The following SFI1 variants were observed in gnomAD, a reference collection of about 807,000 sequenced individuals.
SFI1 encodes protein SFI1 homolog.
Under a neutral mutation model 207.5 loss-of-function variants are expected in SFI1, and 195 were observed. The observed-to-expected ratio is 0.94, with a 90% CI of 0.84 to 1.06. The LOEUF is 1.06. Among genes scored for constraint, SFI1 ranks in the 50% least tolerant of loss-of-function variants. The pLI, the probability that SFI1 is intolerant of heterozygous loss-of-function variation, is 0.00. For missense variants in SFI1, 1,634 were observed against 1,588.0 expected (o/e 1.03, Z -0.49); for synonymous variants, 630 against 598.9 (o/e 1.05, Z -0.76).
At chr22:31,549,289 A>T (rs1447476450) in intron 5 of SFI1, among the ~76,000 whole-genome samples, 3 of 68,214 alleles carry the variant, frequency 4.4e-5, no homozygotes, top group East Asian at 9.4e-4. Flanking sequence ...GACCCTGTGT[A>T]AAAAAAAAAA....
At chr22:31,551,393 C>G (rs1387337455) in intron 6 of SFI1, among the ~76,000 whole-genome samples, 2 of 152,152 alleles carry the variant, frequency 1.3e-5, no homozygotes, top group African/African-American at 2.4e-5. Flanking sequence ...TTGATCTCCC[C>G]CAGCCCAGTG....
At chr22:31,593,394 G>T (rs1428259209) in intron 15 of SFI1, among the ~76,000 whole-genome samples, 1 of 139,616 alleles carries the variant, frequency 7.2e-6, no homozygotes, top group Non-Finnish European at 1.6e-5. Context: ...CATCTCAGAC[G>T]ATGGGCGGCC....
At chr22:31,554,559 C>T (rs1488447226) in intron 6 of SFI1, among the ~76,000 whole-genome samples, 2 of 149,970 alleles carry the variant, frequency 1.3e-5, no homozygotes, top group East Asian at 2.0e-4. Context: ...CCGCCCACCT[C>T]GGCCTCCCAA....
chr22:31,573,070 T>A lies in SFI1; in HGVS notation c.778T>A (p.Trp260Arg). ...LSLQVQAWSQWREQLLYVQKE... is the reference protein window; with the variant it reads ...LSLQVQAWSQRREQLLYVQKE... ...CTCTGGTTTTCAGGCTTGGTCACAG[T>A]GGCGGGAACAGCTCCTGTATGTCCA... Residue 260 changes from tryptophan to arginine, a missense_variant, in exon 9 of 33, where the codon TGG becomes AGG. Coordinates refer to ENST00000400288, the MANE Select transcript of SFI1 (RefSeq NM_001007467.3). 6.3e-7 allele frequency: 1 copy of A among 1,587,748 alleles called. No homozygotes were observed. The highest frequency in any genetic ancestry group is 2.2e-5 in the East Asian group (1 of 44,846).
At position 31,575,368 on chromosome 22, in the gene SFI1, C is replaced by A. The variant is rs769372788; in HGVS notation, c.1060C>A (p.Arg354Ser). The change falls in exon 10 of 33, where the codon CGC (arginine) becomes AGC (serine). Residue 354 changes from arginine (R) to serine (S), a missense_variant. Physicochemically the swap from Arg to Ser is moderately radical, Grantham distance 110. Transcript: ENST00000400288. Reference sequence around the variant, plus strand: ...ACTGGCCAGGAAGATGGCCCTGCGGCGCGCCTTTACTCACTGGAAACACTG... The same window carrying A: ...ACTGGCCAGGAAGATGGCCCTGCGGAGCGCCTTTACTCACTGGAAACACTG... ...EKLARKMALR[R>S]AFTHWKHYML... 3 of 1,610,538 alleles carry A rather than the reference C, an allele frequency of 1.9e-6. No homozygotes were observed. Among genetic ancestry groups the A allele is most frequent in the Non-Finnish European group, 1.7e-6 (2 of 1,178,740 alleles).
intron 5 of SFI1, among the ~76,000 whole-genome samples, chr22:31,549,733 A>T (rs1414150279): frequency 6.6e-6 from 1 of 152,058 alleles, no homozygotes; most frequent in East Asian, 1.9e-4. Flanking sequence ...TTTCTTCCTC[A>T]GTGACACTTT....
At chr22:31,582,926 A>G (rs1012005769) in intron 12 of SFI1, among the ~76,000 whole-genome samples, 9 of 152,052 alleles carry the variant, frequency 5.9e-5, no homozygotes, top group Non-Finnish European at 1.3e-4. Context: ...ATTTATTATT[A>G]TAATAATTAT....
At chr22:31,549,778 A>G (rs1264453786) in intron 5 of SFI1, among the ~76,000 whole-genome samples, 4 of 151,918 alleles carry the variant, frequency 2.6e-5, no homozygotes, top group South Asian at 4.2e-4. Flanking sequence ...CAAAGAGAAT[A>G]GAGTTCATTG....
Position 31,613,534 on chromosome 22 carries a change from G to A in SFI1, c.2742+4G>A. 6.3e-7 allele frequency: 1 copy of A among 1,583,388 alleles called. No homozygotes were observed. On this transcript the variant is annotated splice_donor_region_variant and intron_variant, in intron 26 of 32. Coordinates refer to ENST00000400288, the MANE Select transcript of SFI1 (RefSeq NM_001007467.3). ...GCAGGCCCAGCAGCAGGTCCAGGTA[G>A]GCCCAGGGCCCCTTCCTGTGGGGAG...
intron 12 of SFI1, among the ~76,000 whole-genome samples, chr22:31,582,206 T>TATA (rs1569376507): frequency 0.026 from 956 of 36,542 alleles, 99 homozygotes; most frequent in Middle Eastern, 0.065. Context: ...TTATTACATT[T>TATA]TATATATATA....
Position 31,575,341 on chromosome 22 carries a change from A to G in SFI1, c.1033A>G (p.Lys345Glu), listed in dbSNP as rs752462885. 8 of 1,612,788 alleles carry G rather than the reference A, an allele frequency of 5.0e-6. No homozygotes were observed. The African/African-American group carries it at 9.4e-5, about 19-fold the overall frequency. The change falls in exon 10 of 33, where the codon AAA becomes GAA. Residue 345 changes from lysine to glutamate, a missense_variant. Coordinates refer to ENST00000400288, the MANE Select transcript of SFI1 (RefSeq NM_001007467.3). ...GTACGCTCACCATGCCCAGGTGGAG[A>G]AACTGGCCAGGAAGATGGCCCTGCG... ...SLYAHHAQVE[K>E]LARKMALRRA...
At chr22:31,569,008 G>A (rs1460450303) in intron 8 of SFI1, among the ~76,000 whole-genome samples, 1 of 152,130 alleles carries the variant, frequency 6.6e-6, no homozygotes, top group Non-Finnish European at 1.5e-5. Flanking sequence ...AAAAATTAAA[G>A]CATTTTAATT....
chr22:31,562,649 T>G (rs1306731833), intron 8 of SFI1, among the ~76,000 whole-genome samples: 2 of 152,198 alleles, frequency 1.3e-5, no homozygotes, highest in African/African-American at 4.8e-5. Context: ...TTTTTGATTT[T>G]TTGAGACAGA....
intron 1 of SFI1, among the ~76,000 whole-genome samples, chr22:31,501,098 A>C (rs1056852812): frequency 2.0e-5 from 3 of 151,674 alleles, no homozygotes; most frequent in Non-Finnish European, 2.9e-5. Flanking sequence ...TGCCCGGCCA[A>C]ATATTTTTAA....
At chr22:31,547,630 T>C (rs1401675869) in intron 5 of SFI1, among the ~76,000 whole-genome samples, 1 of 149,642 alleles carries the variant, frequency 6.7e-6, no homozygotes, top group Non-Finnish European at 1.5e-5. Context: ...TGTTTTTTTT[T>C]GTTTTTGAGA....
At position 31,618,334 on chromosome 22, in the gene SFI1, G is replaced by C; in HGVS notation, c.3645G>C (p.Leu1215=). 1 of 1,609,974 alleles carries C rather than the reference G, an allele frequency of 6.2e-7. No individual in the cohort carries two copies. Among genetic ancestry groups the C allele is most frequent in the Non-Finnish European group, 8.5e-7 (1 of 1,177,422 alleles). The part of the protein sequence containing the change: ...ELEQVEMQIQ[L]LAEELQAQRQ... ...CCCAGGTGGAAATGCAGATCCAGCT[G>C]CTGGCAGAGGAGCTCCAGGCTCAGC... Residue 1215 remains leucine, a synonymous_variant, in exon 33 of 33, where the codon CTG becomes CTC. Coordinates refer to ENST00000400288, the MANE Select transcript of SFI1 (RefSeq NM_001007467.3).
chr22:31,527,515 G>A (rs2058046443), intron 2 of SFI1, among the ~76,000 whole-genome samples: 1 of 152,194 alleles, frequency 6.6e-6, no homozygotes, highest in Non-Finnish European at 1.5e-5. Context: ...TGGGAGGATT[G>A]CTTAATCCCA....
At chr22:31,530,380 C>T (rs1160663036) in intron 3 of SFI1, among the ~76,000 whole-genome samples, 1 of 145,952 alleles carries the variant, frequency 6.9e-6, no homozygotes. Flanking sequence ...GTCCCAGCTA[C>T]TCGGGAGGCT....
At chr22:31,550,625 G>A (rs2060536513) in intron 6 of SFI1, 1 of 340,366 alleles carries the variant, frequency 2.9e-6, no homozygotes, top group Admixed American at 4.4e-5. Flanking sequence ...GGTTCAGTGG[G>A]CTGGCTGTGA....
Sources: allele counts gnomAD v4.1 joint callset (sites outside exome capture counted in the v4.1 genomes callset), GRCh38; gene constraint gnomAD v4.1.1; transcripts MANE v1.5; gene names NCBI Gene and HGNC (gene_info 2026-07-23, HGNC 2026-07-21).